Variants in FHOD3 observed in about 807,000 individuals in gnomAD.
FHOD3 encodes the protein formin homology 2 domain containing 3.
Under a neutral mutation model 173.0 loss-of-function variants are expected in FHOD3, and 90 were observed. That is an observed-to-expected ratio of 0.52 (90% CI 0.44 to 0.62). FHOD3 has a LOEUF of 0.62. Ranked by LOEUF, FHOD3 falls within the 20% of genes least tolerant of loss-of-function variation. The pLI, the probability that FHOD3 is intolerant of heterozygous loss-of-function variation, is 0.00. For synonymous variants in FHOD3, 828 were observed against 823.0 expected (o/e 1.01, Z -0.10); for missense variants, 1,945 against 2,034.7 (o/e 0.96, Z 0.85).
At chr18:36,459,303 A>G (rs981280561) in intron 3 of FHOD3, among the ~76,000 whole-genome samples, 1 of 152,254 alleles carries the variant, frequency 6.6e-6, no homozygotes, top group Admixed American at 6.5e-5. Context: ...GGGGATTGTT[A>G]GAGAAAGAGA....
intron 3 of FHOD3, among the ~76,000 whole-genome samples, chr18:36,454,544 A>G (rs1427318592): frequency 6.6e-6 from 1 of 152,062 alleles, no homozygotes; most frequent in Non-Finnish European, 1.5e-5. Context: ...GGAACTAACA[A>G]TTACCTTATT....
chr18:36,668,668 A>C (rs952869564), intron 14 of FHOD3, among the ~76,000 whole-genome samples: 8 of 151,958 alleles, frequency 5.3e-5, no homozygotes. Flanking sequence ...CACAAAGTTT[A>C]ATATGTTGTG....
intron 25 of FHOD3, among the ~76,000 whole-genome samples, chr18:36,757,230 T>C (rs566115368): frequency 6.6e-6 from 1 of 152,362 alleles, no homozygotes; most frequent in Admixed American, 6.5e-5. Flanking sequence ...CTGGACAGGA[T>C]AGGCTTCGTC....
At chr18:36,576,388 A>T in intron 5 of FHOD3, 63 bp from the exon 6 acceptor site, 1 of 1,208,572 alleles carries the variant, frequency 8.3e-7, no homozygotes, top group Non-Finnish European at 1.2e-6. Flanking sequence ...CAGCATTATG[A>T]TCACTGAAGA....
intron 2 of FHOD3, among the ~76,000 whole-genome samples, chr18:36,368,772 C>T (rs955130495): frequency 6.6e-6 from 1 of 152,100 alleles, no homozygotes; most frequent in Non-Finnish European, 1.5e-5. Flanking sequence ...GCACATCTTA[C>T]AGGTGGCAGG....
At chr18:36,758,520 A>G (rs2042728386) in intron 25 of FHOD3, among the ~76,000 whole-genome samples, 1 of 152,202 alleles carries the variant, frequency 6.6e-6, no homozygotes, top group Non-Finnish European at 1.5e-5. Flanking sequence ...CTGAGGAGAG[A>G]GTAATGTGAA....
chr18:36,472,507 C>T (rs2053338312), intron 3 of FHOD3, among the ~76,000 whole-genome samples: 1 of 152,138 alleles, frequency 6.6e-6, no homozygotes, highest in African/African-American at 2.4e-5. Context: ...GTATCTAATT[C>T]CAGAACATTT....
chr18:36,317,701 C>G (rs148232257), intron 1 of FHOD3, among the ~76,000 whole-genome samples: 1 of 152,140 alleles, frequency 6.6e-6, no homozygotes, highest in South Asian at 2.1e-4. Context: ...CTGATAGTTT[C>G]TTTTGCTGTG....
rs2036710366 is a variant in FHOD3 at position 36,660,427 on chromosome 18, C to A, written c.1835+2239C>A. On this transcript the variant is annotated intron_variant, in intron 14 of 28. Transcript: ENST00000590592. ...ATTCTAATTTGTTAGTAGCATAGAA[C>A]AAGCCACTGGGGTGAGGCTGCAGGA... Among the ~76,000 whole-genome samples, 3 of 152,154 alleles carry A rather than the reference C, an allele frequency of 2.0e-5. No individual in the cohort carries two copies. The South Asian group carries it at 6.2e-4, about 32-fold the overall frequency.
chr18:36,700,668 T>A (rs1054852828), intron 17 of FHOD3, among the ~76,000 whole-genome samples: 1 of 151,924 alleles, frequency 6.6e-6, no homozygotes, highest in Admixed American at 6.6e-5. Flanking sequence ...CAACCCAATT[T>A]AAAAAAAAGA....
At chr18:36,461,098 G>A (rs1259910878) in intron 3 of FHOD3, among the ~76,000 whole-genome samples, 1 of 152,166 alleles carries the variant, frequency 6.6e-6, no homozygotes, top group Non-Finnish European at 1.5e-5. Flanking sequence ...CAGAGTAAGG[G>A]AGGGCAGGGC....
chr18:36,573,957 C>T (rs545998226), intron 5 of FHOD3, among the ~76,000 whole-genome samples: 8 of 152,304 alleles, frequency 5.3e-5, no homozygotes, highest in South Asian at 2.1e-4. Flanking sequence ...TAAACACATA[C>T]GTGCTCACCC....
At chr18:36,454,905 G>A (rs1331076125) in intron 3 of FHOD3, among the ~76,000 whole-genome samples, 1 of 152,194 alleles carries the variant, frequency 6.6e-6, no homozygotes, top group Admixed American at 6.5e-5. Flanking sequence ...TTGGAGGTCT[G>A]CACCATAACT....
intron 1 of FHOD3, among the ~76,000 whole-genome samples, chr18:36,337,552 C>T (rs2045384650): frequency 6.6e-6 from 1 of 152,210 alleles, no homozygotes; most frequent in African/African-American, 2.4e-5. Flanking sequence ...GAAGGGCCAT[C>T]CTTCAGCATC....
At chr18:36,652,054 T>G (rs2036091756) in intron 11 of FHOD3, among the ~76,000 whole-genome samples, 1 of 152,256 alleles carries the variant, frequency 6.6e-6, no homozygotes, top group South Asian at 2.1e-4. Flanking sequence ...TCCTTTTCTC[T>G]TAGCCATACC....
At chr18:36,484,959 C>A (rs1335482647) in intron 3 of FHOD3, among the ~76,000 whole-genome samples, 3 of 152,160 alleles carry the variant, frequency 2.0e-5, no homozygotes, top group Non-Finnish European at 4.4e-5. Context: ...GAATTGCCAC[C>A]AAGATTGTGG....
At chr18:36,562,413 CTTG>C (rs1402504591) in intron 5 of FHOD3, among the ~76,000 whole-genome samples, 1 of 152,202 alleles carries the variant, frequency 6.6e-6, no homozygotes, top group Non-Finnish European at 1.5e-5. Context: ...AAGGGACTGT[CTTG>C]TTTAAAAACA....
At chr18:36,511,685 G>A (rs1204605443) in intron 4 of FHOD3, among the ~76,000 whole-genome samples, 1 of 152,162 alleles carries the variant, frequency 6.6e-6, no homozygotes, top group Admixed American at 6.5e-5. Context: ...GAGGGCCGTA[G>A]TGGGGCTAAC....
intron 3 of FHOD3, among the ~76,000 whole-genome samples, chr18:36,458,666 GTTTTTTT>G (rs35141522): frequency 1.9e-5 from 2 of 104,726 alleles, no homozygotes; most frequent in Non-Finnish European, 3.9e-5. Context: ...TTTTTGTTAG[GTTTTTTT>G]TTTTTTTTTT....
Sources: allele counts gnomAD v4.1 joint callset (sites outside exome capture counted in the v4.1 genomes callset), GRCh38; gene constraint gnomAD v4.1.1; transcripts MANE v1.5; gene names NCBI Gene and HGNC (gene_info 2026-07-23, HGNC 2026-07-21).